Variants in TGFB2 observed in about 807,000 individuals in gnomAD.
The protein encoded by TGFB2 is transforming growth factor beta 2.
Under a neutral mutation model 42.7 loss-of-function variants are expected in TGFB2, and 13 were observed. The ratio of observed to expected loss-of-function variants is 0.30; its 90% CI spans 0.20 to 0.48. TGFB2 has a LOEUF of 0.48. TGFB2 is among the 20% of genes least tolerant of loss of function. The pLI is 0.99. For missense variants in TGFB2, 390 were observed against 517.5 expected (o/e 0.75, Z 2.39); for synonymous variants, 193 against 193.6 (o/e 1.00, Z 0.03).
intron 1 of TGFB2, among the ~76,000 whole-genome samples, chr1:218,356,190 A>G (rs1479035697): frequency 6.6e-6 from 1 of 151,480 alleles, no homozygotes; most frequent in Non-Finnish European, 1.5e-5. Flanking sequence ...AAGATTTACC[A>G]TTTGTTTCAA....
In TGFB2 at chr1:218,380,970, TG is replaced by T. The variant is rs577757469; in HGVS notation, c.347-24198del. Among the ~76,000 whole-genome samples the T allele has an allele frequency of 1.2e-3, 184 of 152,286 alleles. 2 individuals are homozygous for T. Among genetic ancestry groups the T allele is most frequent in the African/African-American group, 4.3e-3 (179 of 41,568 alleles). On this transcript the variant is annotated intron_variant, in intron 1 of 6. Transcript: ENST00000366930. ...ATAGATGCTATTATTATCCCTACTT[TG>T]TAGATGGGAAAAGTGCAGCTGAGAG...
intron 1 of TGFB2, among the ~76,000 whole-genome samples, chr1:218,356,283 C>T: frequency 6.6e-6 from 1 of 151,966 alleles, no homozygotes; most frequent in East Asian, 1.9e-4. Flanking sequence ...GTGGCACAGA[C>T]ATGGCTCACT....
At chr1:218,374,241 A>G (rs978233287) in intron 1 of TGFB2, among the ~76,000 whole-genome samples, 11 of 152,254 alleles carry the variant, frequency 7.2e-5, no homozygotes, top group African/African-American at 2.7e-4. Flanking sequence ...AAAAGATTAG[A>G]ATAGTACCAG....
chr1:218,361,826 G>A (rs562085986), intron 1 of TGFB2, among the ~76,000 whole-genome samples: 2 of 152,176 alleles, frequency 1.3e-5, no homozygotes, highest in Admixed American at 6.5e-5. Context: ...AGACTGTGGA[G>A]AAGCCTCTAA....
chr1:218,421,659 A>G (rs1659459526), intron 2 of TGFB2, among the ~76,000 whole-genome samples: 1 of 152,204 alleles, frequency 6.6e-6, no homozygotes, highest in South Asian at 2.1e-4. Flanking sequence ...CACATAAAAA[A>G]AAGATATGTT....
chr1:218,408,640 A>G (rs1027290682), intron 2 of TGFB2, among the ~76,000 whole-genome samples: 1 of 152,172 alleles, frequency 6.6e-6, no homozygotes, highest in Non-Finnish European at 1.5e-5. Flanking sequence ...CACACTTTTG[A>G]TGGATCAGAA....
chr1:218,405,381 CAG>C, intron 2 of TGFB2, 49 bp downstream of exon 2: 1 of 1,577,342 alleles, frequency 6.3e-7, no homozygotes. Flanking sequence ...TTGTTTTAGA[CAG>C]ACTCTCTCTC....
At chr1:218,429,173 G>A (rs1659725871) in intron 2 of TGFB2, among the ~76,000 whole-genome samples, 1 of 151,960 alleles carries the variant, frequency 6.6e-6, no homozygotes, top group Non-Finnish European at 1.5e-5. Context: ...TAGAGACGGG[G>A]TTTCACCATG....
chr1:218,358,996 A>T (rs1027838280), intron 1 of TGFB2, among the ~76,000 whole-genome samples: 7 of 148,934 alleles, frequency 4.7e-5, no homozygotes, highest in African/African-American at 1.7e-4. Flanking sequence ...GTCCCCCCAG[A>T]GGTCAGTCAG....
chr1:218,394,949 C>G (rs1658449164), intron 1 of TGFB2, among the ~76,000 whole-genome samples: 3 of 152,006 alleles, frequency 2.0e-5, no homozygotes, highest in Admixed American at 2.0e-4. Context: ...CTTGTCTTGC[C>G]ACACTCTGGG....
rs567844352 is a variant in TGFB2 at position 218,347,470 on chromosome 1, TA to T, written c.346+430del. Among the ~76,000 whole-genome samples the T allele has an allele frequency of 2.8e-3, 424 of 152,142 alleles. 3 individuals carry two copies. The highest frequency in any genetic ancestry group is 9.8e-3 in the African/African-American group (406 of 41,494). ...CGCGCCGAACTGGTGCACGAAGGGT[TA>T]AAAAAAGTGTCTCAAAACTAGCCTC... On this transcript the variant is annotated intron_variant, in intron 1 of 6. Transcript: ENST00000366930.
chr1:218,375,232 T>A (rs1657702610), intron 1 of TGFB2, among the ~76,000 whole-genome samples: 1 of 152,110 alleles, frequency 6.6e-6, no homozygotes, highest in Non-Finnish European at 1.5e-5. Flanking sequence ...GTTTTTTTTA[T>A]CCCAACCTGC....
At chr1:218,384,564 A>G (rs1558238041) in intron 1 of TGFB2, among the ~76,000 whole-genome samples, 1 of 152,176 alleles carries the variant, frequency 6.6e-6, no homozygotes, top group Non-Finnish European at 1.5e-5. Context: ...GGAAATGAAA[A>G]CAGTATCTAC....
At chr1:218,393,513 A>G (rs568758569) in intron 1 of TGFB2, among the ~76,000 whole-genome samples, 165 of 152,320 alleles carry the variant, frequency 1.1e-3, no homozygotes, top group African/African-American at 3.7e-3. Context: ...CTAGAATGGT[A>G]TATGGTTATC....
At chr1:218,418,091 C>G (rs1659339455) in intron 2 of TGFB2, among the ~76,000 whole-genome samples, 1 of 152,216 alleles carries the variant, frequency 6.6e-6, no homozygotes, top group African/African-American at 2.4e-5. Flanking sequence ...AGAGGGCCAC[C>G]ATCTTCCAGA....
chr1:218,388,489 C>T (rs1392272576), intron 1 of TGFB2, among the ~76,000 whole-genome samples: 2 of 152,210 alleles, frequency 1.3e-5, no homozygotes, highest in Non-Finnish European at 2.9e-5. Context: ...CCCCCTCGCC[C>T]ACCATGAAAG....
intron 2 of TGFB2, among the ~76,000 whole-genome samples, chr1:218,418,039 C>T (rs1163058326): frequency 6.6e-6 from 1 of 152,232 alleles, no homozygotes; most frequent in African/African-American, 2.4e-5. Flanking sequence ...GGAGCCCCCA[C>T]ACAGAGTTTC....
chr1:218,434,017 T>G (rs1369401910), intron 2 of TGFB2, 65 bp from the exon 3 acceptor site: 1 of 1,595,160 alleles, frequency 6.3e-7, no homozygotes, highest in Non-Finnish European at 8.6e-7. Context: ...CTGTTAATAG[T>G]TTTGGTTTAG....
At chr1:218,413,237 G>T (rs1486061161) in intron 2 of TGFB2, among the ~76,000 whole-genome samples, 1 of 152,184 alleles carries the variant, frequency 6.6e-6, no homozygotes, top group Non-Finnish European at 1.5e-5. Context: ...GCTGGGCGCG[G>T]TGGCACATGC....
Sources: allele counts gnomAD v4.1 joint callset (sites outside exome capture counted in the v4.1 genomes callset), GRCh38; gene constraint gnomAD v4.1.1; transcripts MANE v1.5; gene names NCBI Gene and HGNC (gene_info 2026-07-23, HGNC 2026-07-21).